DRP2: variants seen among roughly 807,000 people sequenced by gnomAD.
The protein encoded by DRP2 is dystrophin-related protein 2.
In DRP2, 29 loss-of-function variants were observed where a neutral mutation model predicts 78.2. The observed-to-expected ratio is 0.37, with a 90% CI of 0.28 to 0.51. The LOEUF (loss-of-function observed/expected upper bound fraction) is 0.51, where lower values mean the gene tolerates loss of function less well. DRP2 is among the 20% of genes least tolerant of loss of function. DRP2 has a pLI of 0.94. For missense variants in DRP2, 686 were observed against 770.6 expected (o/e 0.89, Z 1.30); for synonymous variants, 290 against 281.9 (o/e 1.03, Z -0.29).
chrX:101,255,036 G>C, intron 19 of DRP2, 112 bp downstream of exon 19: 2 of 1,053,454 alleles, frequency 1.9e-6, no homozygotes, highest in Non-Finnish European at 2.6e-6. Context: ...TGTGCACAGT[G>C]GGGTGTGCAG....
rs781623434 is a variant in DRP2 at position 101,256,097 on chromosome X, G to T, written c.2247-21G>T. Reference sequence around the variant, plus strand: ...TGTTCAACAACTGGTCACCTACTCTGCTTTCCCCACACCCATGCAGAGACG... The same window carrying T: ...TGTTCAACAACTGGTCACCTACTCTTCTTTCCCCACACCCATGCAGAGACG... On this transcript the variant is annotated intron_variant, in intron 20 of 23. Coordinates refer to ENST00000395209, the MANE Select transcript of DRP2 (RefSeq NM_001939.3). 7.0e-6 allele frequency: 8 copies of T among 1,150,349 alleles called. No individual in the cohort carries two copies. In the South Asian group the frequency reaches 1.7e-4, roughly 25 times the overall value. The allele number at this position is 1,150,349 out of a possible 1,213,427, so 94.8% of individuals were successfully genotyped here.
intron 21 of DRP2, among the ~76,000 whole-genome samples, chrX:101,257,403 C>G (rs1264821349): frequency 1.1e-5 from 1 of 89,957 alleles, no homozygotes; most frequent in African/African-American, 4.4e-5. Context: ...AGTTTGTGAC[C>G]AGTTTGTGAC....
At chrX:101,238,033 T>C (rs1922575097) in intron 5 of DRP2, among the ~76,000 whole-genome samples, 1 of 111,764 alleles carries the variant, frequency 8.9e-6, no homozygotes, top group East Asian at 2.8e-4. Context: ...CATAACATAA[T>C]GCTAAGTGAA....
rs756695526 is a variant in DRP2 at position 101,231,690 on chromosome X, C to T, written c.43C>T (p.Arg15Ter). 1.1e-5 allele frequency: 13 copies of T among 1,211,564 alleles called. No homozygotes were observed. Among genetic ancestry groups the T allele is most frequent in the Admixed American group, 2.2e-5 (1 of 46,024 alleles). The change falls in exon 3 of 24, where the codon CGA becomes TGA. Residue 15 changes from arginine to a stop codon, truncating the protein, a stop_gained. Coordinates refer to ENST00000395209, the MANE Select transcript of DRP2 (RefSeq NM_001939.3). LOFTEE classifies it high-confidence loss of function. ...VMQGCPYTLP[R>*]CHDWQAADQF... ...GCAGGGATGCCCTTACACCCTCCCA[C>T]GATGTCATGACTGGCAGGCAGCTGA... is the stretch of plus-strand genomic sequence containing the variant.
chrX:101,240,120 G>C (rs1922665316), intron 6 of DRP2, among the ~76,000 whole-genome samples: 1 of 112,349 alleles, frequency 8.9e-6, no homozygotes, highest in Non-Finnish European at 1.9e-5. Flanking sequence ...CCAACATCGA[G>C]GGACATGCAA....
chrX:101,252,513 C>G, intron 16 of DRP2, 92 bp from the exon 17 acceptor site: 1 of 693,958 alleles, frequency 1.4e-6, no homozygotes, highest in East Asian at 3.3e-5. Context: ...TCCCCTTCTA[C>G]TGTGTGTGTA....
intron 22 of DRP2, 67 bp downstream of exon 22, chrX:101,258,613 G>C: frequency 1.0e-6 from 1 of 984,357 alleles, no homozygotes; most frequent in Non-Finnish European, 1.4e-6. Context: ...GGGGAGCTGA[G>C]GGCTGTGGCA....
rs1602937132 is a variant in DRP2, at chrX:101,258,434, C to T, written c.2516C>T (p.Ala839Val). 1 of 1,204,364 alleles carries T rather than the reference C, an allele frequency of 8.3e-7. No individual in the cohort carries two copies. The highest frequency in any genetic ancestry group is 1.1e-6 in the Non-Finnish European group (1 of 892,384). The change falls in exon 22 of 24, where the codon GCC becomes GTC. Residue 839 changes from alanine (A) to valine (V), a missense_variant. By Grantham distance (64) the Ala-to-Val change is moderately conservative. Coordinates refer to ENST00000395209, the MANE Select transcript of DRP2 (RefSeq NM_001939.3). ...DHRNEELLAE[A>V]RILRQHKSRL... The stretch of plus-strand genomic sequence containing the variant: ...CGCAATGAGGAGCTTCTGGCCGAGG[C>T]CCGTATCCTTCGGCAACATAAGAGC...
chrX:101,237,149 T>C (rs1922534541), intron 4 of DRP2, among the ~76,000 whole-genome samples: 1 of 112,093 alleles, frequency 8.9e-6, no homozygotes, highest in African/African-American at 3.2e-5. Context: ...ACCACCCAAC[T>C]TGCCCTTTCC....
At chrX:101,246,892 G>A (rs1474164366) in intron 11 of DRP2, among the ~76,000 whole-genome samples, 198 bp from the exon 12 acceptor site, 1 of 111,816 alleles carries the variant, frequency 8.9e-6, no homozygotes, top group African/African-American at 3.3e-5. Flanking sequence ...ATTTTACTAG[G>A]TGATACCAAG....
At chrX:101,251,283 T>C (rs774767258) in intron 16 of DRP2, 200 bp downstream of exon 16, 2 of 408,818 alleles carry the variant, frequency 4.9e-6, no homozygotes, top group Non-Finnish European at 7.8e-6. Context: ...TATTTTGTTT[T>C]AGTTGTATTA....
rs1923639081 is a variant in DRP2 at position 101,263,616 on chromosome X, G to A, written c.*2995G>A. ...CTGACTAGCTGGAGGACATCAGGCT[G>A]TGCTATGCTTCCCTAGGGAGGACAT... On this transcript the variant is annotated 3_prime_UTR_variant, in exon 24 of 24. Coordinates refer to ENST00000395209, the MANE Select transcript of DRP2 (RefSeq NM_001939.3). The A allele has an allele frequency of 8.9e-6, 1 of 112,288 alleles. No individual in the cohort carries two copies. Among genetic ancestry groups the A allele is most frequent in the Admixed American group, 9.4e-5 (1 of 10,624 alleles). The allele number at this position is 112,288 out of a possible 1,213,427, so 9.3% of individuals were successfully genotyped here.
intron 22 of DRP2, 82 bp from the exon 23 acceptor site, chrX:101,259,967 C>G: frequency 8.7e-7 from 1 of 1,146,160 alleles, no homozygotes; most frequent in Non-Finnish European, 1.2e-6. Context: ...TGAAGTCTCT[C>G]AGGTCCCTTC....
intron 2 of DRP2, among the ~76,000 whole-genome samples, chrX:101,225,304 G>C (rs1436649866): frequency 9.0e-6 from 1 of 111,247 alleles, no homozygotes. Context: ...CCATTGTATG[G>C]ATACACTTTC....
chrX:101,246,241 C>T (rs989048603), intron 11 of DRP2, among the ~76,000 whole-genome samples: 2 of 112,160 alleles, frequency 1.8e-5, no homozygotes, highest in African/African-American at 6.5e-5. Flanking sequence ...CATTTTATCA[C>T]CGGATTAGTG....
intron 2 of DRP2, among the ~76,000 whole-genome samples, chrX:101,230,257 G>C (rs186078766): frequency 1.8e-5 from 2 of 112,168 alleles, no homozygotes; most frequent in Non-Finnish European, 3.8e-5. Flanking sequence ...AGGCACAGTG[G>C]CTCATGCCTG....
At chrX:101,235,569 G>A (rs1380718289) in intron 3 of DRP2, among the ~76,000 whole-genome samples, 1 of 112,326 alleles carries the variant, frequency 8.9e-6, no homozygotes, top group Non-Finnish European at 1.9e-5. Context: ...AGGAGTGGGG[G>A]CCCAGCTTGG....
chrX:101,225,047 T>C (rs1024104224), intron 2 of DRP2, among the ~76,000 whole-genome samples: 1 of 112,108 alleles, frequency 8.9e-6, no homozygotes, highest in African/African-American at 3.2e-5. Context: ...AAAAATTTAT[T>C]GAGCTCTAGG....
chrX:101,248,468 C>G, intron 13 of DRP2, 46 bp from the exon 14 acceptor site: 5 of 1,172,928 alleles, frequency 4.3e-6, no homozygotes, highest in Non-Finnish European at 5.8e-6. Flanking sequence ...AAGATGTTAA[C>G]CCTTTACATA....
Sources: gnomAD v4.1 joint callset for allele counts (sites outside exome capture counted in the v4.1 genomes callset) on GRCh38, gnomAD v4.1.1 for gene constraint, MANE v1.5 for transcripts, NCBI Gene and HGNC (gene_info 2026-07-23, HGNC 2026-07-21) for gene names.